INTS1: variants seen among roughly 807,000 people sequenced by gnomAD.
The protein encoded by INTS1 is integrator complex subunit 1.
In INTS1, 137 loss-of-function variants were observed where a neutral mutation model predicts 241.6. The ratio of observed to expected loss-of-function variants is 0.57; its 90% CI spans 0.49 to 0.65. The LOEUF is 0.65. Ranked by LOEUF, INTS1 falls within the 30% of genes least tolerant of loss-of-function variation. The pLI, the probability that INTS1 is intolerant of heterozygous loss-of-function variation, is 0.00. For missense variants in INTS1, 3,073 were observed against 3,032.2 expected (o/e 1.01, Z -0.32); for synonymous variants, 1,692 against 1,337.8 (o/e 1.26, Z -5.78).
rs1310538461 is a variant in INTS1 at position 1,498,406 on chromosome 7, G to A, written c.1425+6C>T. 6.2e-6 allele frequency: 10 copies of A among 1,613,498 alleles called. No homozygotes were observed. Among genetic ancestry groups the A allele is most frequent in the South Asian group, 1.1e-5 (1 of 91,026 alleles). ...TGGAGGGCAAGGCCAGGGACCCTGG[G>A]CCTACCTTGGGCGCCAGCTCTGAGC... On this transcript the variant is annotated splice_donor_region_variant and intron_variant, in intron 10 of 47. Coordinates refer to ENST00000404767, the MANE Select transcript of INTS1 (RefSeq NM_001080453.3).
intron 16 of INTS1, among the ~76,000 whole-genome samples, chr7:1,491,177 G>C (rs968420880): frequency 6.6e-6 from 1 of 152,230 alleles, no homozygotes; most frequent in East Asian, 1.9e-4. Context: ...CAGCGTCCTA[G>C]GTACAACGTC....
Position 1,498,826 on chromosome 7 carries a change from C to T in INTS1, c.1164G>A (p.Leu388=). The change falls in exon 9 of 48, where the codon CTG becomes CTA. Residue 388 remains leucine (L), a synonymous_variant. Coordinates refer to ENST00000404767, the MANE Select transcript of INTS1 (RefSeq NM_001080453.3). Reference sequence around the variant, plus strand: ...TGTTGCAGTTCATGCAGACGGACATCAGCAGGTCCTGGGCCGGCCGGGTCA... The same window carrying T: ...TGTTGCAGTTCATGCAGACGGACATTAGCAGGTCCTGGGCCGGCCGGGTCA... The part of the protein sequence containing the change: ...PKLTRPAQDL[L]MSVCMNCNTH... 1 of 1,605,832 alleles carries T rather than the reference C, an allele frequency of 6.2e-7. No individual in the cohort carries two copies. The highest frequency in any genetic ancestry group is 1.3e-5 in the African/African-American group (1 of 74,898).
intron 43 of INTS1, 26 bp from the exon 44 acceptor site, chr7:1,472,412 G>C: frequency 6.7e-7 from 1 of 1,482,824 alleles, no homozygotes; most frequent in Non-Finnish European, 9.1e-7. Flanking sequence ...AGTGCTGCAG[G>C]AGGGCGGGAG....
chr7:1,504,043 C>T, intron 1 of INTS1, 42 bp from the exon 2 acceptor site: 1 of 1,037,110 alleles, frequency 9.6e-7, no homozygotes, highest in Non-Finnish European at 1.4e-6. Flanking sequence ...CACTCATTCG[C>T]TCGTTCGCTC....
At position 1,481,546 on chromosome 7, in the gene INTS1, C is replaced by A. The variant is rs1781998514; in HGVS notation, c.3704-58G>T. The A allele has an allele frequency of 1.3e-6, 2 of 1,532,682 alleles. No homozygotes were observed. The highest frequency in any genetic ancestry group is 2.3e-5 in the East Asian group (1 of 43,618). 94.9% of individuals were successfully genotyped at this position (1,532,682 alleles called of 1,614,324 possible). On this transcript the variant is annotated intron_variant, in intron 27 of 47. Coordinates refer to ENST00000404767, the MANE Select transcript of INTS1 (RefSeq NM_001080453.3). The surrounding 1 kb of genome is among the most constrained non-coding windows in gnomAD (Gnocchi z 6.8). ...AAACCCGGGCAATGCGCACTCGGGA[C>A]CCCACCCGAGACCTGGGGCTGCCTG...
chr7:1,477,054 ATGGTGCTGGAGGGCCGCTCC>A, intron 35 of INTS1, 136 bp from the exon 36 acceptor site: 1 of 1,135,148 alleles, frequency 8.8e-7, no homozygotes, highest in Non-Finnish European at 1.2e-6. Context: ...CGGCCCCGTC[ATGGTGCTGGAGGGCCGCTCC>A]TGGTGGCTGC....
chr7:1,501,903 A>C (rs937824672), intron 3 of INTS1, among the ~76,000 whole-genome samples: 1 of 151,972 alleles, frequency 6.6e-6, no homozygotes, highest in Non-Finnish European at 1.5e-5. Flanking sequence ...GGCACAGTCC[A>C]TTCTCTGCTT....
chr7:1,482,224 A>G (rs1447209210), intron 27 of INTS1: 2 of 238,678 alleles, frequency 8.4e-6, no homozygotes, highest in African/African-American at 2.2e-5. Context: ...ACCCACCCAG[A>G]GGCCCCACCA....
At chr7:1,476,501 C>CGGATGGGCCACCCCCTCTCCT (rs773205290) in intron 37 of INTS1, 46 bp from the exon 38 acceptor site, 10 of 1,599,768 alleles carry the variant, frequency 6.3e-6, no homozygotes, top group Non-Finnish European at 6.8e-6. Flanking sequence ...CCGCCTCTCC[C>CGGATGGGCCACCCCCTCTCCT]GGATGGGCCA....
rs1391821337 is a variant in INTS1 at position 1,477,837 on chromosome 7, C to G, written c.4730G>C (p.Cys1577Ser). The change falls in exon 34 of 48, where the codon TGT becomes TCT. Residue 1577 changes from cysteine (C) to serine (S), a missense_variant. Transcript: ENST00000404767. ...GGAGCTCACCACCACAACGGGCTTACAGGCTGGAAACGGGGAGGCAGCATC... is the reference window on the plus strand; with the variant it reads ...GGAGCTCACCACCACAACGGGCTTAGAGGCTGGAAACGGGGAGGCAGCATC... ...TADAASPFPA[C>S]KPVVVVSSLL... 2 of 1,612,504 alleles carry G rather than the reference C, an allele frequency of 1.2e-6. No homozygotes were observed. The highest frequency in any genetic ancestry group is 1.1e-5 in the South Asian group (1 of 91,092).
Position 1,502,922 on chromosome 7 carries a change from G to T in INTS1, c.328C>A (p.Pro110Thr). ...KRAISPSIKE[P>T]SVVPIEVLPT... The stretch of plus-strand genomic sequence containing the variant: ...TTACCTTCAATTGGCACCACAGATG[G>T]CTCTTTAATCGACGGAGAAATGGCT... The change falls in exon 3 of 48, where the codon CCA becomes ACA. Residue 110 changes from proline to threonine, a missense_variant. Transcript: ENST00000404767. The T allele has an allele frequency of 6.2e-7, 1 of 1,613,882 alleles. No homozygotes were observed. Among genetic ancestry groups the T allele is most frequent in the Non-Finnish European group, 8.5e-7 (1 of 1,179,878 alleles).
At chr7:1,471,516 G>T in intron 45 of INTS1, 55 bp downstream of exon 45, 1 of 1,573,844 alleles carries the variant, frequency 6.4e-7, no homozygotes. Flanking sequence ...GGCCCTGCTG[G>T]GGTTCCCCAA....
intron 26 of INTS1, chr7:1,483,184 C>T (rs1025347321): frequency 1.4e-5 from 3 of 217,104 alleles, no homozygotes; most frequent in Admixed American, 5.2e-5. Flanking sequence ...ATGAGGGTTC[C>T]GCCCCCTTCC....
Position 1,476,321 on chromosome 7 carries a change from C to A in INTS1, c.5286G>T (p.Leu1762=). The change falls in exon 38 of 48, where the codon CTG becomes CTT. Residue 1762 remains leucine, a synonymous_variant. Transcript: ENST00000404767. ...CACAGCAGCAGCTGAGCAGCAGGGG[C>A]AGCCGGGCCTGGATGAGGCTGCAGG... ...TAACSLIQAR[L]PLLLSCCCGD... 3 of 1,587,684 alleles carry A rather than the reference C, an allele frequency of 1.9e-6. No individual in the cohort carries two copies. The highest frequency in any genetic ancestry group is 2.6e-6 in the Non-Finnish European group (3 of 1,169,044).
In INTS1 at chr7:1,473,553, C is replaced by T. The variant is rs947426068; in HGVS notation, c.5957+13G>A. 10 of 1,578,570 alleles carry T rather than the reference C, an allele frequency of 6.3e-6. No individual in the cohort carries two copies. The highest frequency in any genetic ancestry group is 2.7e-5 in the African/African-American group (2 of 74,140). On this transcript the variant is annotated intron_variant, in intron 42 of 47. Transcript: ENST00000404767. ...GGAGGCCCGAGGCTTCCCTGCAGCC[C>T]GTGGGCACTCACTGGAGCGGGTCGG... is the stretch of plus-strand genomic sequence containing the variant.
In INTS1 at chr7:1,477,656, A is replaced by G; in HGVS notation, c.4832T>C (p.Leu1611Pro). 6.3e-7 allele frequency: 1 copy of G among 1,594,564 alleles called. No homozygotes were observed. Among genetic ancestry groups the G allele is most frequent in the Middle Eastern group, 1.7e-4 (1 of 5,718 alleles). ...ADGGSLEAVR[L>P]GPSSGLLVDW... ...CACTAGGAGGCCTGACGAGGGCCCCAGCCGCACGGCCTCCAGGCTGCAGGG... is the reference window on the plus strand; with the variant it reads ...CACTAGGAGGCCTGACGAGGGCCCCGGCCGCACGGCCTCCAGGCTGCAGGG... Residue 1611 changes from leucine to proline, a missense_variant, in exon 35 of 48, where the codon CTG becomes CCG. Transcript: ENST00000404767.
chr7:1,503,489 C>G (rs890807122), intron 2 of INTS1, among the ~76,000 whole-genome samples: 22 of 152,198 alleles, frequency 1.4e-4, no homozygotes, highest in Non-Finnish European at 2.9e-4. Flanking sequence ...TCTAACTTTA[C>G]AAGAGAGAAA....
rs1232672171 is a variant in INTS1 at position 1,476,429 on chromosome 7, C to T, written c.5178G>A (p.Arg1726=). ...PQKRREELVL[R]VQGPELISLV... ...GGCTGATGAGCTCCGGGCCCTGGAC[C>T]CGCAGCACCAGCTCCTCCCGCCGCT... Residue 1726 remains arginine, a synonymous_variant, in exon 38 of 48, where the codon CGG becomes CGA. Coordinates refer to ENST00000404767, the MANE Select transcript of INTS1 (RefSeq NM_001080453.3). The T allele has an allele frequency of 6.4e-7, 1 of 1,569,028 alleles. No homozygotes were observed. Among genetic ancestry groups the T allele is most frequent in the South Asian group, 1.1e-5 (1 of 87,320 alleles).
intron 8 of INTS1, 28 bp downstream of exon 8, chr7:1,498,947 C>A: frequency 1.5e-6 from 2 of 1,339,440 alleles, no homozygotes; most frequent in Non-Finnish European, 2.0e-6. Context: ...CCCCCTGCCC[C>A]GCCCACCCCC....
Sources: gnomAD v4.1 joint callset for allele counts (sites outside exome capture counted in the v4.1 genomes callset) on GRCh38, gnomAD v4.1.1 for gene constraint, Gnocchi (gnomAD v3.1) non-coding constraint, MANE v1.5 for transcripts, NCBI Gene and HGNC (gene_info 2026-07-23, HGNC 2026-07-21) for gene names.